Variants in SPAG17 observed in about 807,000 individuals in gnomAD.
The protein encoded by SPAG17 is sperm associated antigen 17.
Under a neutral mutation model 273.6 loss-of-function variants are expected in SPAG17, and 169 were observed. The observed-to-expected ratio is 0.62, with a 90% CI of 0.55 to 0.70. The LOEUF is 0.70. SPAG17 is among the 30% of genes least tolerant of loss of function. The pLI is 0.00. For missense variants in SPAG17, 2,557 were observed against 2,627.8 expected (o/e 0.97, Z 0.59); for synonymous variants, 825 against 873.2 (o/e 0.94, Z 0.97).
chr1:118,020,755 C>T (rs569410364), intron 28 of SPAG17, among the ~76,000 whole-genome samples: 1 of 152,206 alleles, frequency 6.6e-6, no homozygotes, highest in South Asian at 2.1e-4. Flanking sequence ...AAATTGTGGA[C>T]TATGGACAAA....
chr1:118,139,037 TA>T (rs1658517981), intron 3 of SPAG17, among the ~76,000 whole-genome samples: 1 of 151,986 alleles, frequency 6.6e-6, no homozygotes, highest in Non-Finnish European at 1.5e-5. Flanking sequence ...ATATATTTGA[TA>T]GGGGTTACTA....
chr1:118,013,416 C>A (rs1340669532), intron 29 of SPAG17, among the ~76,000 whole-genome samples: 1 of 152,110 alleles, frequency 6.6e-6, no homozygotes, highest in Non-Finnish European at 1.5e-5. Flanking sequence ...TTGGTGCTTT[C>A]AGCCAGGAAT....
Position 118,074,599 on chromosome 1 carries a change from C to T in SPAG17, c.2211G>A (p.Glu737=). The part of the protein sequence containing the change: ...MKAQPQHESL[E]QTTNNEIKDD... ...CTTTGATCTCATTGTTTGTGGTCTG[C>T]TCTGCAAATCAAAGACACCAACATC... The change falls in exon 16 of 49, where the codon GAG becomes GAA. Residue 737 remains glutamate, a splice_region_variant and synonymous_variant. Transcript: ENST00000336338. The T allele has an allele frequency of 6.2e-7, 1 of 1,613,336 alleles. No individual in the cohort carries two copies.
intron 3 of SPAG17, among the ~76,000 whole-genome samples, chr1:118,139,044 T>G (rs1290508502): frequency 6.6e-6 from 1 of 151,990 alleles, no homozygotes; most frequent in East Asian, 1.9e-4. Flanking sequence ...TGATAGGGGT[T>G]ACTATCCAAA....
intron 1 of SPAG17, among the ~76,000 whole-genome samples, chr1:118,161,536 GT>G (rs1165324379): frequency 4.0e-5 from 6 of 151,824 alleles, no homozygotes; most frequent in East Asian, 3.9e-4. Context: ...AATAGGGAAG[GT>G]TTTTTTTCTT....
intron 20 of SPAG17, among the ~76,000 whole-genome samples, chr1:118,049,345 T>TCAA (rs746260198): frequency 2.6e-5 from 4 of 152,168 alleles, no homozygotes; most frequent in East Asian, 3.9e-4. Flanking sequence ...TAAACTGAAT[T>TCAA]CAACAGCACA....
In SPAG17 at chr1:118,036,878, A is replaced by C; in HGVS notation, c.3325T>G (p.Ser1109Ala). The part of the protein sequence containing the change: ...DEEQSLETEV[S>A]DAKNKAFSKF... ...CTGAAAGCTTTATTCTTTGCATCTG[A>C]TACTTCTAAAATACAAAATCGAATC... The change falls in exon 24 of 49, where the codon TCA (serine) becomes GCA (alanine). Residue 1109 changes from serine (S) to alanine (A), a missense_variant. By Grantham distance (99) the Ser-to-Ala change is moderately conservative. Coordinates refer to ENST00000336338, the MANE Select transcript of SPAG17 (RefSeq NM_206996.4). The C allele has an allele frequency of 6.5e-7, 1 of 1,547,952 alleles. No individual in the cohort carries two copies. The highest frequency in any genetic ancestry group is 8.8e-7 in the Non-Finnish European group (1 of 1,142,428).
intron 3 of SPAG17, among the ~76,000 whole-genome samples, chr1:118,122,619 T>C (rs185183484): frequency 1.5e-4 from 23 of 152,340 alleles, no homozygotes; most frequent in African/African-American, 4.1e-4. Flanking sequence ...CAAAGGGATC[T>C]GCAGACATTG....
At chr1:118,163,367 G>T (rs1215981911) in intron 1 of SPAG17, among the ~76,000 whole-genome samples, 1 of 152,074 alleles carries the variant, frequency 6.6e-6, no homozygotes, top group Non-Finnish European at 1.5e-5. Context: ...TCCATGTCCT[G>T]CTTGTCCACT....
intron 3 of SPAG17, among the ~76,000 whole-genome samples, chr1:118,134,386 G>A (rs1220124267): frequency 6.6e-6 from 1 of 152,004 alleles, no homozygotes; most frequent in African/African-American, 2.4e-5. Flanking sequence ...TCTGAGTGGT[G>A]GAATATTTTC....
intron 1 of SPAG17, among the ~76,000 whole-genome samples, chr1:118,182,134 C>G (rs1033862758): frequency 9.2e-5 from 14 of 152,062 alleles, no homozygotes; most frequent in Non-Finnish European, 2.9e-5. Context: ...AATTCTGAGA[C>G]ATGTTACAAT....
At chr1:118,064,973 A>C (rs1274360241) in intron 18 of SPAG17, among the ~76,000 whole-genome samples, 3 of 151,898 alleles carry the variant, frequency 2.0e-5, no homozygotes, top group African/African-American at 7.2e-5. Context: ...AAAGAGGAGA[A>C]ATAAACAAGA....
chr1:118,007,703 G>C (rs569264452), intron 31 of SPAG17, among the ~76,000 whole-genome samples: 1 of 152,186 alleles, frequency 6.6e-6, no homozygotes, highest in Non-Finnish European at 1.5e-5. Flanking sequence ...GGCAGGAGGT[G>C]AAGCTGGTCT....
Position 118,054,518 on chromosome 1 carries a change from T to G in SPAG17, c.2723-425A>C, listed in dbSNP as rs569641483. On this transcript the variant is annotated intron_variant, in intron 19 of 48. Coordinates refer to ENST00000336338, the MANE Select transcript of SPAG17 (RefSeq NM_206996.4). ...TTTTCCGTACTTGAGAGACCTGAAATTGAATGCAATATCTATCAGGTGCAT... is the reference window on the plus strand; with the variant it reads ...TTTTCCGTACTTGAGAGACCTGAAAGTGAATGCAATATCTATCAGGTGCAT... Among the ~76,000 whole-genome samples the G allele has an allele frequency of 5.9e-5, 9 of 152,218 alleles. No individual in the cohort carries two copies. In the South Asian group the frequency reaches 1.9e-3, roughly 32 times the overall value.
At chr1:118,012,811 C>T (rs562534520) in intron 29 of SPAG17, among the ~76,000 whole-genome samples, 1 of 152,344 alleles carries the variant, frequency 6.6e-6, no homozygotes, top group South Asian at 2.1e-4. Flanking sequence ...GCAAGATGGC[C>T]TGCAAGTGTC....
chr1:118,164,684 C>A (rs1467039915), intron 1 of SPAG17, among the ~76,000 whole-genome samples: 1 of 152,202 alleles, frequency 6.6e-6, no homozygotes, highest in Admixed American at 6.5e-5. Context: ...CATTCTGTGT[C>A]TTCCTTCATG....
chr1:117,953,995 C>T lies in SPAG17; in HGVS notation c.*55G>A. On this transcript the variant is annotated 3_prime_UTR_variant, in exon 49 of 49. Coordinates refer to ENST00000336338, the MANE Select transcript of SPAG17 (RefSeq NM_206996.4). ...TGTTGTGATGACTTCTTTCCTTTCT[C>T]ATCCTCTGTAGGCTGAGAGGATTAT... is the stretch of plus-strand genomic sequence containing the variant. The T allele has an allele frequency of 6.2e-7, 1 of 1,600,668 alleles. No individual in the cohort carries two copies. The highest frequency in any genetic ancestry group is 8.5e-7 in the Non-Finnish European group (1 of 1,173,494).
intron 3 of SPAG17, 41 bp downstream of exon 3, chr1:118,150,502 C>G (rs1283616204): frequency 8.5e-7 from 1 of 1,176,086 alleles, no homozygotes; most frequent in African/African-American, 1.6e-5. Context: ...ATTCTTTTTT[C>G]TAAAAACACA....
rs1647340446 is a variant in SPAG17 at position 118,023,388 on chromosome 1, T to TGAAA, written c.3984_3985insTTTC (p.Thr1329PhefsTer23). 1 of 1,612,798 alleles carries TGAAA rather than the reference T, an allele frequency of 6.2e-7. No individual in the cohort carries two copies. The highest frequency in any genetic ancestry group is 2.2e-5 in the East Asian group (1 of 44,850). On this transcript the variant is annotated frameshift_variant, in exon 28 of 49. Coordinates refer to ENST00000336338, the MANE Select transcript of SPAG17 (RefSeq NM_206996.4). LOFTEE classifies it high-confidence loss of function. Reference sequence around the variant, plus strand: ...TCCATCAAATCTCCACTGTGAGGCGTTGCTGGCATTTCAGAAGGAGGACAA... The same window carrying TGAAA: ...TCCATCAAATCTCCACTGTGAGGCGTGAAATGCTGGCATTTCAGAAGGAGGACAA...
Sources: allele counts gnomAD v4.1 joint callset (sites outside exome capture counted in the v4.1 genomes callset), GRCh38; gene constraint gnomAD v4.1.1; transcripts MANE v1.5; gene names NCBI Gene and HGNC (gene_info 2026-07-23, HGNC 2026-07-21).